The following DEFB119 variants were observed in gnomAD, a reference collection of about 807,000 sequenced individuals.
DEFB119 encodes defensin beta 119, also known as beta-defensin 119.
Under a neutral mutation model 2.5 loss-of-function variants are expected in DEFB119, and 3 were observed. The ratio of observed to expected loss-of-function variants is 1.19; its 90% CI spans 0.54 to 3.07. The LOEUF is 3.07. Among genes scored for constraint, DEFB119 ranks in the 30% most tolerant of loss-of-function variants. The pLI is 0.03. For synonymous variants in DEFB119, 29 were observed against 33.7 expected (o/e 0.86, Z 0.48); for missense variants, 113 against 101.1 (o/e 1.12, Z -0.50).
At chr20:31,388,270 A>T (rs1021803697) in intron 1 of DEFB119, 1 of 985,430 alleles carries the variant, frequency 1.0e-6, no homozygotes, top group East Asian at 1.1e-4. Context: ...ATATTTCATA[A>T]ATCCTTGAAT....
intron 1 of DEFB119, chr20:31,388,958 A>T: frequency 6.3e-7 from 1 of 1,580,094 alleles, no homozygotes. Context: ...TGATTGACAG[A>T]CACCAGAAAC....
intron 1 of DEFB119, chr20:31,389,230 A>C: frequency 6.2e-7 from 1 of 1,614,102 alleles, no homozygotes; most frequent in African/African-American, 1.3e-5. Flanking sequence ...CCAACACTCT[A>C]CTTTGGGGCA....
chr20:31,383,434 C>T (rs1409331104), intron 1 of DEFB119, among the ~76,000 whole-genome samples: 1 of 150,500 alleles, frequency 6.6e-6, no homozygotes, highest in Non-Finnish European at 1.5e-5. Context: ...ATCCCAGCTA[C>T]TTGGGAGGCT....
rs192330441 is a variant in DEFB119, at chr20:31,386,874, C to T, written c.61+3549G>A. Among the ~76,000 whole-genome samples, 668 of 127,936 alleles carry T rather than the reference C, an allele frequency of 5.2e-3. 2 individuals carry two copies. The highest frequency in any genetic ancestry group is 0.028 in the Middle Eastern group (4 of 142). 83.9% of individuals were successfully genotyped at this position (127,936 alleles called of 152,430 possible). On this transcript the variant is annotated intron_variant, in intron 1 of 1. Coordinates refer to ENST00000376321, the MANE Select transcript of DEFB119 (RefSeq NM_153289.4). ...TGTCGCCCAGGCTGGAGTGCAGTGG[C>T]GGGATCTCGGCTCACTGCAAGCTCC...
chr20:31,378,677 AG>A, intron 1 of DEFB119, among the ~76,000 whole-genome samples: 1 of 152,200 alleles, frequency 6.6e-6, no homozygotes, highest in East Asian at 1.9e-4. Flanking sequence ...GGTTGTTTCC[AG>A]GTCTATTAGG....
intron 1 of DEFB119, among the ~76,000 whole-genome samples, chr20:31,385,811 A>G (rs1986676950): frequency 6.6e-6 from 1 of 152,084 alleles, no homozygotes; most frequent in Non-Finnish European, 1.5e-5. Context: ...GTTAGGCTAC[A>G]GTGAGCCATG....
At chr20:31,389,723 C>G (rs1483926697) in intron 1 of DEFB119, among the ~76,000 whole-genome samples, 3 of 152,168 alleles carry the variant, frequency 2.0e-5, no homozygotes, top group East Asian at 1.9e-4. Flanking sequence ...CTATATTAAC[C>G]CAATTCAAAC....
At chr20:31,385,041 T>A (rs1414649273) in intron 1 of DEFB119, among the ~76,000 whole-genome samples, 1 of 152,216 alleles carries the variant, frequency 6.6e-6, no homozygotes, top group Non-Finnish European at 1.5e-5. Context: ...TCAGAATGAA[T>A]GTGAATCCAC....
At chr20:31,383,108 T>G (rs934457469) in intron 1 of DEFB119, among the ~76,000 whole-genome samples, 1 of 152,188 alleles carries the variant, frequency 6.6e-6, no homozygotes, top group South Asian at 2.1e-4. Context: ...ACTGATGATA[T>G]AGTTTGGCTG....
intron 1 of DEFB119, chr20:31,387,950 TC>T (rs1459609010): frequency 5.9e-6 from 4 of 678,796 alleles, no homozygotes; most frequent in Non-Finnish European, 7.3e-6. Flanking sequence ...CAAATAGTCT[TC>T]CTGGATGATA....
Position 31,382,533 on chromosome 20 carries a change from T to C in DEFB119, c.62-5094A>G, listed in dbSNP as rs192688921. ...TGAATGTTAATTATTATTGTTGTTT[T>C]AAATTATCATTTGAGCAAGACCCAG... is the stretch of plus-strand genomic sequence containing the variant. On this transcript the variant is annotated intron_variant, in intron 1 of 1. Transcript: ENST00000376321. Among the ~76,000 whole-genome samples, 76 of 152,360 alleles carry C rather than the reference T, an allele frequency of 5.0e-4. 1 individual carries two copies. The highest frequency in any genetic ancestry group is 8.8e-4 in the Non-Finnish European group (60 of 68,042).
intron 1 of DEFB119, among the ~76,000 whole-genome samples, chr20:31,379,086 C>T (rs1198023702): frequency 2.6e-5 from 4 of 151,678 alleles, no homozygotes; most frequent in African/African-American, 4.8e-5. Context: ...TACAGGTGCA[C>T]GCCATCACAC....
intron 1 of DEFB119, chr20:31,387,955 G>T: frequency 2.9e-6 from 2 of 689,146 alleles, no homozygotes; most frequent in Non-Finnish European, 3.6e-6. Context: ...AGTCTTCCTG[G>T]ATGATAATGA....
At chr20:31,386,174 C>T (rs1986697997) in intron 1 of DEFB119, among the ~76,000 whole-genome samples, 1 of 152,090 alleles carries the variant, frequency 6.6e-6, no homozygotes, top group Non-Finnish European at 1.5e-5. Context: ...GAAATCTAAG[C>T]AGGAGAATGA....
Position 31,390,468 on chromosome 20 carries a change from G to A in DEFB119, c.16C>T (p.Leu6=). ...ATGGCCAGAAGGATGGCAAGAAACAGGTAAAGAAGTTTCATGGCTGGCAGA... is the reference window on the plus strand; with the variant it reads ...ATGGCCAGAAGGATGGCAAGAAACAAGTAAAGAAGTTTCATGGCTGGCAGA... The part of the protein sequence containing the change: MKLLY[L]FLAILLAIEE... Residue 6 remains leucine, a synonymous_variant, in exon 1 of 2, where the codon CTG becomes TTG. Coordinates refer to ENST00000376321, the MANE Select transcript of DEFB119 (RefSeq NM_153289.4). 1.2e-6 allele frequency: 2 copies of A among 1,613,166 alleles called. No individual in the cohort carries two copies. The highest frequency in any genetic ancestry group is 1.7e-6 in the Non-Finnish European group (2 of 1,179,652).
chr20:31,384,460 T>C (rs979172801), intron 1 of DEFB119, among the ~76,000 whole-genome samples: 2 of 151,628 alleles, frequency 1.3e-5, no homozygotes, highest in East Asian at 1.9e-4. Flanking sequence ...ACTTTTAAGA[T>C]AAAAAAAATT....
intron 1 of DEFB119, among the ~76,000 whole-genome samples, chr20:31,385,940 T>C (rs926469983): frequency 6.6e-6 from 1 of 151,268 alleles, no homozygotes; most frequent in African/African-American, 2.4e-5. Context: ...GAGCATCAAC[T>C]GAGCTATGAA....
At chr20:31,384,016 A>G (rs1228410862) in intron 1 of DEFB119, among the ~76,000 whole-genome samples, 1 of 151,412 alleles carries the variant, frequency 6.6e-6, no homozygotes, top group Middle Eastern at 3.4e-3. Flanking sequence ...GAATCATTAA[A>G]CCTCTTTTTC....
At chr20:31,388,548 CT>C (rs1405548556) in intron 1 of DEFB119, among the ~76,000 whole-genome samples, 3 of 152,118 alleles carry the variant, frequency 2.0e-5, no homozygotes, top group Non-Finnish European at 4.4e-5. Flanking sequence ...TGTGCTTTAT[CT>C]TTTTTTAGTA....
Sources: gnomAD v4.1 joint callset for allele counts (sites outside exome capture counted in the v4.1 genomes callset) on GRCh38, gnomAD v4.1.1 for gene constraint, MANE v1.5 for transcripts, NCBI Gene and HGNC (gene_info 2026-07-23, HGNC 2026-07-21) for gene names.